PLCE1: variants seen among roughly 807,000 people sequenced by gnomAD.
PLCE1 encodes the protein phospholipase C epsilon 1.
PLCE1 carries 119 observed loss-of-function variants against 242.8 expected under a neutral mutation model. The ratio of observed to expected loss-of-function variants is 0.49; its 90% CI spans 0.42 to 0.57. The LOEUF (loss-of-function observed/expected upper bound fraction) is 0.57. Ranked by LOEUF, PLCE1 falls within the 20% of genes least tolerant of loss-of-function variation. The pLI is 0.00. For synonymous variants in PLCE1, 945 were observed against 1,017.4 expected, an observed-to-expected ratio of 0.93 and a Z score of 1.35; for missense variants, 2,441 against 2,788.8, an observed-to-expected ratio of 0.88 and a Z score of 2.81.
chr10:94,231,684 C>T (rs189454702), intron 5 of PLCE1, among the ~76,000 whole-genome samples: 3 of 145,646 alleles, frequency 2.1e-5, no homozygotes, highest in Non-Finnish European at 4.5e-5. Context: ...TCCACAGACT[C>T]GGGGTGTGGG....
chr10:94,096,820 A>G (rs958093513), intron 2 of PLCE1: 2 of 152,254 alleles, frequency 1.3e-5, no homozygotes, highest in Admixed American at 6.5e-5. Flanking sequence ...ATTTGCTTAT[A>G]GGAGAGACAT....
At chr10:94,322,188 T>A in intron 30 of PLCE1, 129 bp downstream of exon 30, 1 of 881,868 alleles carries the variant, frequency 1.1e-6, no homozygotes, top group Middle Eastern at 2.2e-4. Flanking sequence ...GGGGAGTGTG[T>A]GCCTCTTAAG....
chr10:94,300,435 T>C (rs2133560970), intron 24 of PLCE1, among the ~76,000 whole-genome samples: 1 of 152,322 alleles, frequency 6.6e-6, no homozygotes, highest in African/African-American at 2.4e-5. Flanking sequence ...TCCTCAAGTT[T>C]CTCTGCATAA....
chr10:94,188,461 C>T (rs922412181), intron 4 of PLCE1, among the ~76,000 whole-genome samples: 2 of 152,148 alleles, frequency 1.3e-5, no homozygotes, highest in Non-Finnish European at 2.9e-5. Flanking sequence ...TGACATTAAC[C>T]CTTACACGGC....
At chr10:94,256,323 C>T (rs1240749337) in intron 11 of PLCE1, among the ~76,000 whole-genome samples, 1 of 56,282 alleles carries the variant, frequency 1.8e-5, no homozygotes, top group Non-Finnish European at 3.6e-5. Flanking sequence ...GAGCTTGTCT[C>T]AAAAAAAAAA....
chr10:94,097,767 AG>A (rs1221214888), intron 2 of PLCE1, among the ~76,000 whole-genome samples: 2 of 152,230 alleles, frequency 1.3e-5, no homozygotes, highest in Non-Finnish European at 2.9e-5. Context: ...GGAACCCAGC[AG>A]GAGCCTGCTG....
chr10:94,303,327 CTT>C (rs1006477201), intron 24 of PLCE1, among the ~76,000 whole-genome samples: 1 of 152,150 alleles, frequency 6.6e-6, no homozygotes, highest in African/African-American at 2.4e-5. Context: ...ATTTGGGTAA[CTT>C]TTATACAGAC....
chr10:94,114,955 C>G (rs1266609881), intron 2 of PLCE1, among the ~76,000 whole-genome samples: 3 of 151,496 alleles, frequency 2.0e-5, no homozygotes, highest in African/African-American at 7.3e-5. Context: ...GTGTGATGTC[C>G]CCCTTCCTGT....
chr10:94,237,993 G>A (rs2050378505), intron 7 of PLCE1, among the ~76,000 whole-genome samples: 1 of 152,144 alleles, frequency 6.6e-6, no homozygotes, highest in African/African-American at 2.4e-5. Flanking sequence ...AGAAAGAAGG[G>A]ACAATCTCAT....
intron 4 of PLCE1, among the ~76,000 whole-genome samples, chr10:94,208,898 GCCACAATT>G (rs2049250219): frequency 6.6e-6 from 1 of 152,148 alleles, no homozygotes; most frequent in African/African-American, 2.4e-5. Context: ...ACTAATCGTC[GCCACAATT>G]CCTGCTCCAG....
chr10:94,182,105 T>TC, intron 4 of PLCE1, among the ~76,000 whole-genome samples: 1 of 149,116 alleles, frequency 6.7e-6, no homozygotes, highest in East Asian at 2.0e-4. Context: ...TTTTTTTTTT[T>TC]TTTCATTTTT....
At chr10:94,023,958 T>A (rs1047710966) in intron 1 of PLCE1, among the ~76,000 whole-genome samples, 1 of 152,102 alleles carries the variant, frequency 6.6e-6, no homozygotes, top group African/African-American at 2.4e-5. Context: ...TTTAAGAGGT[T>A]TGTTTCCTTG....
At chr10:94,024,101 C>T (rs2061420307) in intron 1 of PLCE1, among the ~76,000 whole-genome samples, 1 of 152,148 alleles carries the variant, frequency 6.6e-6, no homozygotes, top group Admixed American at 6.5e-5. Flanking sequence ...TGTATACACA[C>T]TTAAATCCAT....
At chr10:94,101,871 G>T (rs983188709) in intron 2 of PLCE1, among the ~76,000 whole-genome samples, 3 of 152,180 alleles carry the variant, frequency 2.0e-5, no homozygotes, top group Non-Finnish European at 4.4e-5. Flanking sequence ...GGCATCTCTT[G>T]TGCGGTGGTG....
intron 22 of PLCE1, among the ~76,000 whole-genome samples, chr10:94,290,244 G>T (rs1052627767): frequency 2.0e-5 from 3 of 150,974 alleles, no homozygotes; most frequent in African/African-American, 7.3e-5. Flanking sequence ...TGCCCAAGCT[G>T]ATCTCCTGGA....
chr10:94,264,810 G>T (rs753475631), intron 14 of PLCE1, among the ~76,000 whole-genome samples: 7 of 152,026 alleles, frequency 4.6e-5, no homozygotes, highest in African/African-American at 1.7e-4. Context: ...GTGAGCCACC[G>T]CGCCTGGCTG....
intron 2 of PLCE1, among the ~76,000 whole-genome samples, chr10:94,082,417 C>T (rs1414502059): frequency 2.6e-5 from 4 of 152,164 alleles, no homozygotes; most frequent in African/African-American, 9.7e-5. Context: ...TAGGGGGATA[C>T]TCAGCTTTTC....
rs762447221 is a variant in PLCE1, at chr10:94,227,483, C to A, written c.1955+32C>A. ...TCAGTGGGGAATATGGTTATCTTGG[C>A]ACAATCGCTTCTCATCACCTGAATG... On this transcript the variant is annotated intron_variant, in intron 5 of 32. Transcript: ENST00000371380. 5.0e-6 allele frequency: 8 copies of A among 1,599,364 alleles called. No individual in the cohort carries two copies. The Admixed American group carries it at 1.0e-4, about 20-fold the overall frequency.
At chr10:94,112,875 A>C (rs1047839734) in intron 2 of PLCE1, among the ~76,000 whole-genome samples, 3 of 152,218 alleles carry the variant, frequency 2.0e-5, no homozygotes, top group Non-Finnish European at 4.4e-5. Flanking sequence ...ATGTGAAAAA[A>C]ATATATTTAA....
Sources: allele counts gnomAD v4.1 joint callset (sites outside exome capture counted in the v4.1 genomes callset), GRCh38; gene constraint gnomAD v4.1.1; transcripts MANE v1.5; gene names NCBI Gene and HGNC (gene_info 2026-07-23, HGNC 2026-07-21).